Variants in CACNB2 observed in about 807,000 individuals in gnomAD.
CACNB2 encodes calcium voltage-gated channel auxiliary subunit beta 2.
A neutral mutation model predicts 73.3 loss-of-function variants in CACNB2; 42 were observed. The observed-to-expected ratio is 0.57, with a 90% CI of 0.45 to 0.74. The LOEUF (loss-of-function observed/expected upper bound fraction) is 0.74, where lower values mean the gene tolerates loss of function less well. Among genes scored for constraint, CACNB2 ranks in the 30% least tolerant of loss-of-function variants. The pLI, the probability that CACNB2 is intolerant of heterozygous loss-of-function variation, is 0.00. For missense variants in CACNB2, 940 were observed against 853.0 expected, an observed-to-expected ratio of 1.10 and a Z score of -1.27; for synonymous variants, 348 against 310.3, an observed-to-expected ratio of 1.12 and a Z score of -1.28.
At chr10:18,267,093 C>A (rs146121204) in intron 2 of CACNB2, among the ~76,000 whole-genome samples, 1 of 151,906 alleles carries the variant, frequency 6.6e-6, no homozygotes, top group Non-Finnish European at 1.5e-5. Flanking sequence ...CTTAAGATGT[C>A]CTTTAAGGGT....
intron 1 of CACNB2, among the ~76,000 whole-genome samples, chr10:18,146,913 G>A (rs1055299736): frequency 3.3e-5 from 5 of 152,116 alleles, no homozygotes; most frequent in Admixed American, 6.6e-5. Context: ...ATGAGCCACC[G>A]TGCCCGGCCT....
chr10:18,301,774 G>A (rs760107185), intron 2 of CACNB2, among the ~76,000 whole-genome samples: 11 of 151,444 alleles, frequency 7.3e-5, no homozygotes, highest in Non-Finnish European at 1.2e-4. Flanking sequence ...TCAGCCTCCC[G>A]AGTAGCTGGG....
rs777844034 is a variant in CACNB2 at position 18,148,855 on chromosome 10, C to T, written c.121-2028C>T. ...ACAAAAAACAAAAATTAGCCAAGCACGGCAATGTGTGCCTGTAGTTCCAGT... is the reference window on the plus strand; with the variant it reads ...ACAAAAAACAAAAATTAGCCAAGCATGGCAATGTGTGCCTGTAGTTCCAGT... On this transcript the variant is annotated intron_variant, in intron 1 of 13. Coordinates refer to ENST00000324631, the MANE Select transcript of CACNB2 (RefSeq NM_201596.3). 9.2e-5 allele frequency among the ~76,000 whole-genome samples: 14 copies of T among 151,818 alleles called. 1 individual carries two copies. The highest frequency in any genetic ancestry group is 5.9e-4 in the Admixed American group (9 of 15,224).
At chr10:18,190,052 G>A (rs374287772) in intron 2 of CACNB2, among the ~76,000 whole-genome samples, 25 of 152,230 alleles carry the variant, frequency 1.6e-4, no homozygotes, top group African/African-American at 5.8e-4. Context: ...CAGGCACTGG[G>A]GATGTGCTAT....
intron 2 of CACNB2, among the ~76,000 whole-genome samples, chr10:18,159,468 C>A (rs1368639208): frequency 1.3e-5 from 2 of 152,078 alleles, no homozygotes; most frequent in African/African-American, 4.8e-5. Context: ...GTGGTTGTAA[C>A]GAAATTATCC....
intron 3 of CACNB2, among the ~76,000 whole-genome samples, chr10:18,440,270 A>G (rs947803794): frequency 6.6e-6 from 1 of 152,296 alleles, no homozygotes; most frequent in African/African-American, 2.4e-5. Context: ...GCTGATAACT[A>G]TAGCCTTGGA....
intron 2 of CACNB2, among the ~76,000 whole-genome samples, chr10:18,187,894 A>G (rs1342465836): frequency 6.6e-6 from 1 of 152,184 alleles, no homozygotes; most frequent in East Asian, 1.9e-4. Context: ...AGGAAAATCC[A>G]CATGTAATTG....
intron 2 of CACNB2, among the ~76,000 whole-genome samples, chr10:18,178,326 A>C (rs1327476946): frequency 6.6e-6 from 1 of 152,210 alleles, no homozygotes; most frequent in Admixed American, 6.5e-5. Flanking sequence ...CACTTTTAGC[A>C]TTAACTCTAC....
At chr10:18,294,038 C>T (rs2039176994) in intron 2 of CACNB2, among the ~76,000 whole-genome samples, 1 of 152,204 alleles carries the variant, frequency 6.6e-6, no homozygotes, top group Admixed American at 6.5e-5. Flanking sequence ...TTTATTTAGA[C>T]TTGAGTTCAG....
intron 2 of CACNB2, among the ~76,000 whole-genome samples, chr10:18,289,327 C>G (rs1321503829): frequency 7.4e-6 from 1 of 134,378 alleles, no homozygotes; most frequent in East Asian, 2.2e-4. Context: ...TGGGGTCTCA[C>G]TCTGTTGCCC....
At chr10:18,465,451 A>G (rs1240237205) in intron 3 of CACNB2, among the ~76,000 whole-genome samples, 1 of 152,200 alleles carries the variant, frequency 6.6e-6, no homozygotes, top group Non-Finnish European at 1.5e-5. Context: ...AAAAATGTAC[A>G]GATGAGAAGA....
intron 2 of CACNB2, among the ~76,000 whole-genome samples, chr10:18,364,341 C>A (rs2042263322): frequency 1.3e-5 from 2 of 151,490 alleles, no homozygotes; most frequent in South Asian, 4.2e-4. Context: ...TGCTCTGTCA[C>A]CCAGGCTGGA....
chr10:18,282,554 T>G (rs1355143217), intron 2 of CACNB2, among the ~76,000 whole-genome samples: 1 of 152,220 alleles, frequency 6.6e-6, no homozygotes, highest in Non-Finnish European at 1.5e-5. Context: ...CCTTACAGAT[T>G]GTTAGGAAGA....
intron 5 of CACNB2, 135 bp downstream of exon 5, chr10:18,501,083 A>G: frequency 1.1e-6 from 1 of 902,284 alleles, no homozygotes; most frequent in Non-Finnish European, 1.7e-6. Context: ...ATAGCATCAC[A>G]AATCTTGCAT....
At chr10:18,357,289 C>G (rs2041962257) in intron 2 of CACNB2, among the ~76,000 whole-genome samples, 1 of 152,118 alleles carries the variant, frequency 6.6e-6, no homozygotes, top group African/African-American at 2.4e-5. Flanking sequence ...CTTTATCATC[C>G]TGAAGTGAAA....
chr10:18,171,587 T>TAAA (rs974444420), intron 2 of CACNB2, among the ~76,000 whole-genome samples: 15 of 104,430 alleles, frequency 1.4e-4, no homozygotes, highest in Non-Finnish European at 2.2e-4. Flanking sequence ...AATTCCAGTT[T>TAAA]AAAAAAAAAA....
chr10:18,526,173 T>G (rs1010234825), intron 9 of CACNB2, among the ~76,000 whole-genome samples: 2 of 152,212 alleles, frequency 1.3e-5, no homozygotes, highest in African/African-American at 4.8e-5. Context: ...ACCTCCAATA[T>G]CATTATCTTT....
At chr10:18,157,798 T>C (rs1028462570) in intron 2 of CACNB2, among the ~76,000 whole-genome samples, 2 of 152,230 alleles carry the variant, frequency 1.3e-5, no homozygotes, top group Non-Finnish European at 2.9e-5. Context: ...AAGGAAGACA[T>C]GCAGAAAAAT....
At chr10:18,472,221 CT>C (rs200348808) in intron 3 of CACNB2, among the ~76,000 whole-genome samples, 297 of 119,160 alleles carry the variant, frequency 2.5e-3, no homozygotes, top group Middle Eastern at 4.6e-3. Context: ...CACTTTTCTT[CT>C]TTTTTTTTTT....
Sources: allele counts gnomAD v4.1 joint callset (sites outside exome capture counted in the v4.1 genomes callset), GRCh38; gene constraint gnomAD v4.1.1; transcripts MANE v1.5; gene names NCBI Gene and HGNC (gene_info 2026-07-23, HGNC 2026-07-21).